Variants in LPIN1 observed in about 807,000 individuals in gnomAD.
LPIN1 encodes lipin 1.
A neutral mutation model predicts 107.5 loss-of-function variants in LPIN1; 71 were observed. That is an observed-to-expected ratio of 0.66 (90% CI 0.55 to 0.80). LPIN1 has a LOEUF of 0.80. Among genes scored for constraint, LPIN1 ranks in the 30% least tolerant of loss-of-function variants. The pLI, the probability that LPIN1 is intolerant of heterozygous loss-of-function variation, is 0.00. For missense variants in LPIN1, 1,043 were observed against 1,160.6 expected, an observed-to-expected ratio of 0.90 and a Z score of 1.47; for synonymous variants, 445 against 452.6, an observed-to-expected ratio of 0.98 and a Z score of 0.21.
intron 1 of LPIN1, among the ~76,000 whole-genome samples, chr2:11,706,163 G>T (rs1451786412): frequency 2.0e-5 from 3 of 152,120 alleles, no homozygotes; most frequent in African/African-American, 4.8e-5. Flanking sequence ...TTTGTAAATT[G>T]CCCAGTCTTG....
intron 1 of LPIN1, among the ~76,000 whole-genome samples, chr2:11,729,361 T>C (rs1178354646): frequency 6.6e-6 from 1 of 152,246 alleles, no homozygotes; most frequent in Non-Finnish European, 1.5e-5. Flanking sequence ...ATAATACTTA[T>C]AACACTTTAT....
intron 18 of LPIN1, chr2:11,816,082 T>A (rs1046390001): frequency 6.6e-6 from 1 of 152,244 alleles, no homozygotes; most frequent in Non-Finnish European, 1.5e-5. Flanking sequence ...ATGAACTGTT[T>A]GCTGCTGCTA....
chr2:11,735,976 GT>G (rs1414573661), intron 1 of LPIN1, among the ~76,000 whole-genome samples: 2 of 152,200 alleles, frequency 1.3e-5, no homozygotes, highest in Non-Finnish European at 2.9e-5. Context: ...GTTGCACAGT[GT>G]CTTCTTTGCA....
intron 2 of LPIN1, among the ~76,000 whole-genome samples, chr2:11,766,579 C>T (rs1167848643): frequency 3.9e-5 from 6 of 152,142 alleles, no homozygotes; most frequent in South Asian, 2.1e-4. Context: ...AACATGCACA[C>T]GTGCAACTGA....
At chr2:11,760,717 G>T (rs1195660413) in intron 1 of LPIN1, among the ~76,000 whole-genome samples, 1 of 152,158 alleles carries the variant, frequency 6.6e-6, no homozygotes, top group Non-Finnish European at 1.5e-5. Flanking sequence ...CATGGGGAGG[G>T]GGAGGGGGAG....
Position 11,756,511 on chromosome 2 carries a change from C to G in LPIN1, c.-9-9022C>G, listed in dbSNP as rs563653104. On this transcript the variant is annotated intron_variant, in intron 1 of 20. Transcript: ENST00000674199. Reference sequence around the variant, plus strand: ...TCAAGCAATTCTCCTGCCTCAGCCTCTCGAGTAGCTGGGATTACAGGCACT... The same window carrying G: ...TCAAGCAATTCTCCTGCCTCAGCCTGTCGAGTAGCTGGGATTACAGGCACT... Among the ~76,000 whole-genome samples the G allele has an allele frequency of 3.9e-5, 6 of 152,250 alleles. 1 individual carries two copies. In the South Asian group the frequency reaches 1.2e-3, roughly 32 times the overall value.
intron 18 of LPIN1, chr2:11,818,764 G>C (rs1353038039): frequency 2.0e-5 from 3 of 152,024 alleles, no homozygotes; most frequent in Admixed American, 2.0e-4. Flanking sequence ...GATGTTCACT[G>C]TAGGTTTTTT....
intron 17 of LPIN1, among the ~76,000 whole-genome samples, chr2:11,814,772 G>A (rs150566109): frequency 3.3e-5 from 5 of 152,236 alleles, no homozygotes; most frequent in Middle Eastern, 3.4e-3. Context: ...GGGCTCAAGC[G>A]CAGGCAGGTG....
chr2:11,759,816 AC>A (rs1220247763), intron 1 of LPIN1, among the ~76,000 whole-genome samples: 8 of 15,414 alleles, frequency 5.2e-4, no homozygotes, highest in Non-Finnish European at 1.1e-3. Context: ...GCGGGGGCTG[AC>A]CCCCCACCTC....
rs541608625 is a variant in LPIN1 at position 11,825,138 on chromosome 2, C to T, written c.*347C>T. ...GGGGCTGTGAAACCTAGGCAGAAGG[C>T]GGCTGTCTGAGGGCTGTCCCCGCCT... is the stretch of plus-strand genomic sequence containing the variant. On this transcript the variant is annotated 3_prime_UTR_variant, in exon 21 of 21. Coordinates refer to ENST00000674199, the MANE Select transcript of LPIN1 (RefSeq NM_001349206.2). This position sits in a 1 kb window ranked among gnomAD's most constrained non-coding sequence, Gnocchi z 4.1. 3.4e-5 allele frequency: 12 copies of T among 351,126 alleles called. No individual in the cohort carries two copies. The East Asian group carries it at 5.4e-4, about 16-fold the overall frequency. The allele number at this position is 351,126 out of a possible 1,614,324, so 21.8% of individuals were successfully genotyped here.
intron 1 of LPIN1, among the ~76,000 whole-genome samples, chr2:11,709,788 TTC>T (rs1362733621): frequency 6.6e-6 from 1 of 152,246 alleles, no homozygotes; most frequent in Non-Finnish European, 1.5e-5. Flanking sequence ...ACTCTCTGAA[TTC>T]TCTCTTTTCC....
intron 1 of LPIN1, among the ~76,000 whole-genome samples, chr2:11,739,220 T>C (rs892774738): frequency 2.0e-5 from 3 of 152,182 alleles, no homozygotes; most frequent in Non-Finnish European, 4.4e-5. Flanking sequence ...AGGCAAGAAA[T>C]GGAGCCCCTG....
At chr2:11,820,203 G>A (rs1463634348) in intron 19 of LPIN1, among the ~76,000 whole-genome samples, 1 of 152,160 alleles carries the variant, frequency 6.6e-6, no homozygotes, top group Non-Finnish European at 1.5e-5. Context: ...CTTCAACTCA[G>A]TCCTTGAACA....
At chr2:11,678,743 G>A (rs1207684073) in intron 1 of LPIN1, among the ~76,000 whole-genome samples, 1 of 152,220 alleles carries the variant, frequency 6.6e-6, no homozygotes, top group East Asian at 1.9e-4. Context: ...TAGGGAGAAA[G>A]GAGGCGTGGA....
chr2:11,801,964 G>A (rs1572915015), intron 14 of LPIN1, among the ~76,000 whole-genome samples: 1 of 152,094 alleles, frequency 6.6e-6, no homozygotes, highest in South Asian at 2.1e-4. Flanking sequence ...ATAAGCTGGA[G>A]CTCTGTGTAT....
At chr2:11,724,904 A>C (rs1664445796) in intron 1 of LPIN1, among the ~76,000 whole-genome samples, 1 of 152,204 alleles carries the variant, frequency 6.6e-6, no homozygotes, top group Non-Finnish European at 1.5e-5. Flanking sequence ...AGAATGATAA[A>C]CTATGGTTCA....
chr2:11,779,568 A>G lies in LPIN1; in HGVS notation c.880A>G (p.Ser294Gly). Reference sequence around the variant, plus strand: ...ACCTAAAAGTGATTCAGAATTGGTCAGCAAGTCCACGGAAAGGACAGGGCA... The same window carrying G: ...ACCTAAAAGTGATTCAGAATTGGTCGGCAAGTCCACGGAAAGGACAGGGCA... ...STPKSDSELV[S>G]KSTERTGQKN... The change falls in exon 7 of 21, where the codon AGC (serine) becomes GGC (glycine). Residue 294 changes from serine to glycine, a missense_variant. Transcript: ENST00000674199. The G allele has an allele frequency of 6.2e-7, 1 of 1,614,134 alleles. No individual in the cohort carries two copies. The highest frequency in any genetic ancestry group is 8.5e-7 in the Non-Finnish European group (1 of 1,180,016).
intron 1 of LPIN1, among the ~76,000 whole-genome samples, chr2:11,757,529 T>A (rs1668862717): frequency 6.6e-6 from 1 of 152,194 alleles, no homozygotes; most frequent in Admixed American, 6.5e-5. Flanking sequence ...TTTAAACATA[T>A]GTGCTAGATT....
intron 1 of LPIN1, among the ~76,000 whole-genome samples, chr2:11,764,862 C>T (rs371770414): frequency 1.2e-4 from 19 of 152,284 alleles, no homozygotes; most frequent in East Asian, 1.2e-3. Context: ...GGGCAGGTGG[C>T]AGTGGTCCTA....
Sources: gnomAD v4.1 joint callset for allele counts (sites outside exome capture counted in the v4.1 genomes callset) on GRCh38, gnomAD v4.1.1 for gene constraint, Gnocchi (gnomAD v3.1) non-coding constraint, MANE v1.5 for transcripts, NCBI Gene and HGNC (gene_info 2026-07-23, HGNC 2026-07-21) for gene names.